DACH1: variants seen among roughly 807,000 people sequenced by gnomAD.
The protein encoded by DACH1 is dachshund homolog 1.
A neutral mutation model predicts 54.2 loss-of-function variants in DACH1; 12 were observed. That is an observed-to-expected ratio of 0.22 (90% CI 0.14 to 0.36). The LOEUF is 0.36. DACH1 is among the 10% of genes least tolerant of loss of function. The probability of loss-of-function intolerance (pLI) is 1.00; values close to 1 mark genes in which losing one functional copy is unlikely to be tolerated. For synonymous variants in DACH1, 386 were observed against 366.2 expected (o/e 1.05, Z -0.62); for missense variants, 805 against 929.8 (o/e 0.87, Z 1.75).
intron 10 of DACH1, among the ~76,000 whole-genome samples, chr13:71,447,458 AT>A (rs1281437975): frequency 1.3e-5 from 2 of 152,224 alleles, no homozygotes; most frequent in Non-Finnish European, 2.9e-5. Flanking sequence ...CAGATGTGGA[AT>A]TTAGCTTTTA....
intron 10 of DACH1, among the ~76,000 whole-genome samples, chr13:71,468,033 C>A (rs918866608): frequency 4.6e-5 from 7 of 152,070 alleles, no homozygotes; most frequent in African/African-American, 1.4e-4. Context: ...CCTTTTCAAT[C>A]TAAATAAAGA....
chr13:71,594,811 C>CTTAAT (rs2138472604), intron 3 of DACH1, among the ~76,000 whole-genome samples: 1 of 152,196 alleles, frequency 6.6e-6, no homozygotes, highest in Admixed American at 6.5e-5. Flanking sequence ...AAACATATGT[C>CTTAAT]TCTTAATTCA....
At chr13:71,858,097 A>T (rs1351700521) in intron 1 of DACH1, among the ~76,000 whole-genome samples, 2 of 151,710 alleles carry the variant, frequency 1.3e-5, no homozygotes, top group Non-Finnish European at 3.0e-5. Context: ...CCTTTACTGA[A>T]GAAATGACCA....
At chr13:71,555,045 T>C (rs1884150437) in intron 6 of DACH1, among the ~76,000 whole-genome samples, 1 of 152,180 alleles carries the variant, frequency 6.6e-6, no homozygotes, top group African/African-American at 2.4e-5. Flanking sequence ...ATATTTCTCT[T>C]AGCCCTTCTC....
chr13:71,759,938 C>G (rs1345389940), intron 1 of DACH1, among the ~76,000 whole-genome samples: 2 of 152,148 alleles, frequency 1.3e-5, no homozygotes, highest in African/African-American at 4.8e-5. Context: ...CAATGTAAGC[C>G]TTTTCTTAAA....
At position 71,490,581 on chromosome 13, in the gene DACH1, C is replaced by T. The variant is rs549988156; in HGVS notation, c.1571-1433G>A. ...TAGAGGAAGAAACAGAGTAAGCAAA[C>T]TAAAGTAGGACTCATGTTATTTTTC... On this transcript the variant is annotated intron_variant, in intron 6 of 10. Coordinates refer to ENST00000613252, the MANE Select transcript of DACH1 (RefSeq NM_080759.6). Among the ~76,000 whole-genome samples the T allele has an allele frequency of 3.8e-3, 579 of 152,278 alleles. 3 individuals carry two copies. Among genetic ancestry groups the T allele is most frequent in the Non-Finnish European group, 6.4e-3 (435 of 68,020 alleles).
intron 2 of DACH1, among the ~76,000 whole-genome samples, chr13:71,662,413 T>A (rs528918662): frequency 5.3e-5 from 8 of 152,150 alleles, no homozygotes; most frequent in African/African-American, 1.7e-4. Flanking sequence ...GGAAACAGGC[T>A]TGGCAGTTAT....
intron 1 of DACH1, among the ~76,000 whole-genome samples, chr13:71,748,864 TTC>T (rs1323746654): frequency 4.3e-5 from 1 of 23,290 alleles, no homozygotes; most frequent in African/African-American, 8.7e-5. Context: ...CTTTCTTTCT[TTC>T]TTTCTTTCTT....
chr13:71,812,413 T>C (rs1390450722), intron 1 of DACH1, among the ~76,000 whole-genome samples: 3 of 152,218 alleles, frequency 2.0e-5, no homozygotes, highest in East Asian at 1.9e-4. Context: ...ATTATATTCT[T>C]ATCTTGATGA....
intron 6 of DACH1, among the ~76,000 whole-genome samples, chr13:71,518,165 GA>G (rs1267855012): frequency 2.6e-5 from 4 of 151,800 alleles, no homozygotes; most frequent in African/African-American, 7.3e-5. Context: ...TTTGGAGATA[GA>G]ACCTTGAAAG....
At chr13:71,522,123 G>T (rs374754519) in intron 6 of DACH1, among the ~76,000 whole-genome samples, 1 of 152,214 alleles carries the variant, frequency 6.6e-6, no homozygotes, top group East Asian at 1.9e-4. Context: ...ATTAATCAAA[G>T]AATTGTTTTT....
chr13:71,778,382 TTAGAG>T (rs1886157540), intron 1 of DACH1, among the ~76,000 whole-genome samples: 1 of 151,990 alleles, frequency 6.6e-6, no homozygotes, highest in African/African-American at 2.4e-5. Flanking sequence ...GTCTTTAACA[TTAGAG>T]TAAATGTTAG....
intron 1 of DACH1, among the ~76,000 whole-genome samples, chr13:71,717,719 C>A (rs1324733656): frequency 6.6e-6 from 1 of 151,894 alleles, no homozygotes; most frequent in Non-Finnish European, 1.5e-5. Flanking sequence ...ATTCCTGCTA[C>A]TTAGGAATAT....
chr13:71,522,911 G>T (rs1881706006), intron 6 of DACH1, among the ~76,000 whole-genome samples: 1 of 151,982 alleles, frequency 6.6e-6, no homozygotes, highest in African/African-American at 2.4e-5. Flanking sequence ...AAAACCTTTT[G>T]TTCTTACTGA....
intron 6 of DACH1, among the ~76,000 whole-genome samples, chr13:71,527,872 T>TA (rs71198119): frequency 2.5e-4 from 37 of 148,876 alleles, no homozygotes; most frequent in South Asian, 1.1e-3. Context: ...AAGTTACTAA[T>TA]AAAAAAAAAA....
At chr13:71,757,992 CCTCT>C (rs1885239699) in intron 1 of DACH1, among the ~76,000 whole-genome samples, 1 of 151,836 alleles carries the variant, frequency 6.6e-6, no homozygotes, top group African/African-American at 2.4e-5. Flanking sequence ...TAATTACAAA[CCTCT>C]CTATGATTAA....
chr13:71,601,191 T>C (rs1162340149), intron 3 of DACH1, among the ~76,000 whole-genome samples: 1 of 152,072 alleles, frequency 6.6e-6, no homozygotes, highest in Non-Finnish European at 1.5e-5. Context: ...CATGTGTCCT[T>C]GCACCTCTTC....
chr13:71,609,528 C>T (rs538332357), intron 3 of DACH1, among the ~76,000 whole-genome samples: 1 of 148,746 alleles, frequency 6.7e-6, no homozygotes, highest in South Asian at 2.1e-4. Context: ...AAGTTAAAAC[C>T]CTTAGAAGTT....
chr13:71,591,758 A>G (rs1873728953), intron 3 of DACH1, among the ~76,000 whole-genome samples: 1 of 152,184 alleles, frequency 6.6e-6, no homozygotes, highest in African/African-American at 2.4e-5. Context: ...GAAATACTGT[A>G]GTATCTGATG....
Sources: gnomAD v4.1 joint callset for allele counts (sites outside exome capture counted in the v4.1 genomes callset) on GRCh38, gnomAD v4.1.1 for gene constraint, MANE v1.5 for transcripts, NCBI Gene and HGNC (gene_info 2026-07-23, HGNC 2026-07-21) for gene names.